The following MAST3 variants were observed in gnomAD, a reference collection of about 807,000 sequenced individuals.
MAST3 encodes microtubule associated serine/threonine kinase 3.
A neutral mutation model predicts 127.0 loss-of-function variants in MAST3; 43 were observed. The ratio of observed to expected loss-of-function variants is 0.34; its 90% CI spans 0.27 to 0.44. The LOEUF is 0.44. MAST3 is among the 20% of genes least tolerant of loss of function. MAST3 has a pLI of 1.00. For synonymous variants in MAST3, 785 were observed against 809.2 expected, an observed-to-expected ratio of 0.97 and a Z score of 0.51; for missense variants, 1,390 against 1,919.1, an observed-to-expected ratio of 0.72 and a Z score of 5.15.
At chr19:18,131,721 T>C (rs1224499254) in intron 14 of MAST3, among the ~76,000 whole-genome samples, 188 bp from the exon 15 acceptor site, 3 of 151,976 alleles carry the variant, frequency 2.0e-5, no homozygotes, top group African/African-American at 7.3e-5. Flanking sequence ...AATTAAAAAA[T>C]TAAAAATAAA....
intron 21 of MAST3, among the ~76,000 whole-genome samples, chr19:18,142,760 C>A (rs996792287): frequency 4.0e-5 from 6 of 151,168 alleles, no homozygotes; most frequent in Non-Finnish European, 5.9e-5. Context: ...CTCAAGAGAT[C>A]CTCTCAAGTA....
intron 3 of MAST3, chr19:18,118,371 G>A: frequency 1.9e-6 from 1 of 522,736 alleles, no homozygotes; most frequent in Non-Finnish European, 2.5e-6. Context: ...TGGCAGCAGT[G>A]GGAAGGGGGG....
intron 3 of MAST3, among the ~76,000 whole-genome samples, chr19:18,111,169 G>A (rs1054096598): frequency 1.3e-5 from 2 of 151,992 alleles, no homozygotes; most frequent in Non-Finnish European, 2.9e-5. Flanking sequence ...CCAAAGTGGC[G>A]CCGGGAGAAA....
chr19:18,135,914 GC>G, intron 18 of MAST3, 73 bp downstream of exon 18: 2 of 1,174,840 alleles, frequency 1.7e-6, no homozygotes, highest in Non-Finnish European at 1.2e-6. Context: ...GAGGGATAGC[GC>G]CCGGGGTAGA....
chr19:18,117,028 C>G (rs1427567016), intron 3 of MAST3, among the ~76,000 whole-genome samples: 2 of 151,032 alleles, frequency 1.3e-5, no homozygotes, highest in East Asian at 4.0e-4. Flanking sequence ...ATGACACTGC[C>G]CCTGACTTGC....
chr19:18,106,556 TTTA>T (rs1291503457), intron 1 of MAST3, among the ~76,000 whole-genome samples: 1 of 148,034 alleles, frequency 6.8e-6, no homozygotes, highest in African/African-American at 2.5e-5. Context: ...TATTTATTTA[TTTA>T]TTTATTTATT....
At position 18,142,968 on chromosome 19, in the gene MAST3, C is replaced by T. The variant is rs1480246463; in HGVS notation, c.2340-795C>T. On this transcript the variant is annotated intron_variant, in intron 21 of 27. Coordinates refer to ENST00000687212, the MANE Select transcript of MAST3 (RefSeq NM_001393504.1). ...TCTACTAAAACTCCAAAAATTTAGC[C>T]GGGCATAGTGGTGCACGCCTGTAAT... Among the ~76,000 whole-genome samples, 12 of 151,728 alleles carry T rather than the reference C, an allele frequency of 7.9e-5. No homozygotes were observed. In the East Asian group the frequency reaches 1.8e-3, roughly 22 times the overall value.
chr19:18,149,697 G>T lies in MAST3; in HGVS notation c.4015G>T (p.Val1339Leu). ...CGTGGAGGGCGAGGAAGCCGTGCCA[G>T]TAGCTCTCGGGCCCACCGGAAGAGA... The part of the protein sequence containing the change: ...IAVEGEEAVP[V>L]ALGPTGRD Residue 1339 changes from valine to leucine, a missense_variant, in exon 28 of 28, where the codon GTA (valine) becomes TTA (leucine). By Grantham distance (32) the Val-to-Leu change is conservative (BLOSUM62 1). Transcript: ENST00000687212. The surrounding 1 kb of genome is among the most constrained non-coding windows in gnomAD (Gnocchi z 5.9). 6.2e-7 allele frequency: 1 copy of T among 1,613,000 alleles called. No homozygotes were observed.
intron 11 of MAST3, among the ~76,000 whole-genome samples, chr19:18,126,068 A>C (rs2040583923): frequency 6.6e-6 from 1 of 151,904 alleles, no homozygotes; most frequent in South Asian, 2.1e-4. Context: ...CAAAAAAAAA[A>C]AGATGTAGCT....
chr19:18,109,896 G>A, intron 2 of MAST3: 2 of 971,152 alleles, frequency 2.1e-6, no homozygotes, highest in South Asian at 9.5e-5. Context: ...CCCCAGGGCC[G>A]GGGCGAGGGC....
chr19:18,144,803 G>A lies in MAST3; in HGVS notation c.2812+110G>A. On this transcript the variant is annotated intron_variant, in intron 23 of 27. Coordinates refer to ENST00000687212, the MANE Select transcript of MAST3 (RefSeq NM_001393504.1). The surrounding 1 kb of genome is among the most constrained non-coding windows in gnomAD (Gnocchi z 4.0). ...TGGGGATGAGCCCCAGAAGAGGGGA[G>A]GAGGAGTAGGACACATGGAGAGCTG... The A allele has an allele frequency of 8.4e-7, 1 of 1,191,930 alleles. No individual in the cohort carries two copies. The highest frequency in any genetic ancestry group is 1.2e-6 in the Non-Finnish European group (1 of 822,906). The allele number at this position is 1,191,930 out of a possible 1,614,324, so 73.8% of individuals were successfully genotyped here. A position where few individuals can be genotyped will look rare whatever the true frequency, so the allele number is the denominator to read the frequency against.
chr19:18,102,551 G>A (rs1207518012), intron 1 of MAST3, among the ~76,000 whole-genome samples: 3 of 147,588 alleles, frequency 2.0e-5, no homozygotes, highest in African/African-American at 5.0e-5. Flanking sequence ...GTGTGGTCTT[G>A]GCTCACTGCA....
chr19:18,098,620 C>A (rs755783650), intron 1 of MAST3: 5 of 435,062 alleles, frequency 1.1e-5, no homozygotes, highest in Non-Finnish European at 2.3e-5. Flanking sequence ...CCTTTGACTT[C>A]TCTGGGCCTC....
At chr19:18,098,764 A>G (rs760647100) in intron 1 of MAST3, 48 of 456,566 alleles carry the variant, frequency 1.1e-4, no homozygotes, top group Non-Finnish European at 1.9e-4. Flanking sequence ...CCCAACGAAC[A>G]TTTATGGAGC....
chr19:18,108,351 G>GT (rs35579185), intron 2 of MAST3, among the ~76,000 whole-genome samples: 1,768 of 145,958 alleles, frequency 0.012, 25 homozygotes, highest in African/African-American at 0.032. Flanking sequence ...TGTAGGTTGG[G>GT]TTTTTTTTTT....
chr19:18,142,348 T>C (rs1029522293), intron 21 of MAST3, among the ~76,000 whole-genome samples: 4 of 112,914 alleles, frequency 3.5e-5, no homozygotes, highest in African/African-American at 1.7e-4. Flanking sequence ...GAAGCTGGCC[T>C]TTTTTTTTTT....
At chr19:18,120,712 TTTTTGTTTTG>T (rs367916119) in intron 3 of MAST3, among the ~76,000 whole-genome samples, 3,495 of 151,870 alleles carry the variant, frequency 0.023, 62 homozygotes, top group African/African-American at 0.045. Flanking sequence ...ATTTTTGGTT[TTTTTGTTTTG>T]TTTTGTTTTG....
chr19:18,141,826 G>A, intron 20 of MAST3, 56 bp from the exon 21 acceptor site: 1 of 1,301,786 alleles, frequency 7.7e-7, no homozygotes, highest in African/African-American at 1.5e-5. Flanking sequence ...AAAGTGCTGG[G>A]ATTACAGGCA....
chr19:18,121,657 C>T (rs761673079), intron 3 of MAST3, 28 bp from the exon 4 acceptor site: 3 of 1,605,810 alleles, frequency 1.9e-6, no homozygotes, highest in Non-Finnish European at 2.6e-6. Context: ...TGGGCAGCCA[C>T]CTACCCTGTC....
Sources: gnomAD v4.1 joint callset for allele counts (sites outside exome capture counted in the v4.1 genomes callset) on GRCh38, gnomAD v4.1.1 for gene constraint, Gnocchi (gnomAD v3.1) non-coding constraint, MANE v1.5 for transcripts, NCBI Gene and HGNC (gene_info 2026-07-23, HGNC 2026-07-21) for gene names.